ZNF207: variants seen among roughly 807,000 people sequenced by gnomAD.
The protein encoded by ZNF207 is BUB3-interacting and GLEBS motif-containing protein ZNF207.
In ZNF207, 24 loss-of-function variants were observed where a neutral mutation model predicts 60.2. The observed-to-expected ratio is 0.40, with a 90% confidence interval of 0.29 to 0.56. The LOEUF is 0.56. Ranked by LOEUF, ZNF207 falls within the 20% of genes least tolerant of loss-of-function variation. ZNF207 has a pLI of 0.49. For synonymous variants in ZNF207, 236 were observed against 194.7 expected, an observed-to-expected ratio of 1.21 and a Z score of -1.77; for missense variants, 452 against 636.6, an observed-to-expected ratio of 0.71 and a Z score of 3.12.
rs564901584 is a variant in ZNF207, at chr17:32,376,097, C to A, written c.*6338C>A. ...TATGGTCATGTACATAATGGATATTCATTAATTTTGTGATTAGTGCTGAGT... is the reference window on the plus strand; with the variant it reads ...TATGGTCATGTACATAATGGATATTAATTAATTTTGTGATTAGTGCTGAGT... On this transcript the variant is annotated 3_prime_UTR_variant, in exon 12 of 12. Transcript: ENST00000394670. 1 of 152,050 alleles carries A rather than the reference C, an allele frequency of 6.6e-6. No individual in the cohort carries two copies. The highest frequency in any genetic ancestry group is 1.9e-4 in the East Asian group (1 of 5,184). 9.4% of individuals were successfully genotyped at this position (152,050 alleles called of 1,614,324 possible).
chr17:32,370,625 T>C lies in ZNF207; in HGVS notation c.*866T>C, dbSNP rs1310531133. On this transcript the variant is annotated 3_prime_UTR_variant, in exon 12 of 12. Transcript: ENST00000394670. ...TTTATAATCACCCTTCCACCCTCTA[T>C]GGTGTCAGTACACATCACGTGTCAT... The C allele has an allele frequency of 6.6e-6, 1 of 152,238 alleles. No homozygotes were observed. The highest frequency in any genetic ancestry group is 6.5e-5 in the Admixed American group (1 of 15,280). The allele number at this position is 152,238 out of a possible 1,614,324, so 9.4% of individuals were successfully genotyped here.
chr17:32,370,295 G>A lies in ZNF207; in HGVS notation c.*536G>A, dbSNP rs187860515. 6.5e-6 allele frequency: 1 copy of A among 152,774 alleles called. No homozygotes were observed. The highest frequency in any genetic ancestry group is 1.9e-4 in the East Asian group (1 of 5,186). 9.5% of individuals were successfully genotyped at this position (152,774 alleles called of 1,614,324 possible). ...GAAATCTGACCCACCAAGGTCATGT[G>A]ACTTTTCTGTACTGTTAAACTTCAT... On this transcript the variant is annotated 3_prime_UTR_variant, in exon 12 of 12. Coordinates refer to ENST00000394670, the MANE Select transcript of ZNF207 (RefSeq NM_001098507.2).
At chr17:32,351,958 A>G (rs745401597) in intron 2 of ZNF207, 46 bp downstream of exon 2, 1 of 1,472,536 alleles carries the variant, frequency 6.8e-7, no homozygotes, top group Admixed American at 2.4e-5. Flanking sequence ...TGATTTGGAA[A>G]CAACTTGAAA....
intron 2 of ZNF207, among the ~76,000 whole-genome samples, chr17:32,353,674 GGC>G (rs1466353865): frequency 6.7e-6 from 1 of 149,012 alleles, no homozygotes; most frequent in Non-Finnish European, 1.5e-5. Flanking sequence ...TGGCTACGGG[GGC>G]GGGGGGAGGG....
At position 32,375,805 on chromosome 17, in the gene ZNF207, A is replaced by G. The variant is rs1327361611; in HGVS notation, c.*6046A>G. On this transcript the variant is annotated 3_prime_UTR_variant, in exon 12 of 12. Transcript: ENST00000394670. The stretch of plus-strand genomic sequence containing the variant: ...CCAAATTGAAATTTGTTTGCTCTTC[A>G]TTGTAACTTTTATGTAAAAGTCCTT... 6.6e-6 allele frequency: 1 copy of G among 152,062 alleles called. No homozygotes were observed. Among genetic ancestry groups the G allele is most frequent in the Non-Finnish European group, 1.5e-5 (1 of 67,924 alleles). 9.4% of individuals were successfully genotyped at this position (152,062 alleles called of 1,614,324 possible).
At chr17:32,369,253 C>G in intron 10 of ZNF207, 42 bp from the exon 11 acceptor site, 2 of 1,595,988 alleles carry the variant, frequency 1.3e-6, no homozygotes, top group Non-Finnish European at 1.7e-6. Context: ...TGGTGAGCCT[C>G]TGCATTCGAG....
At position 32,374,243 on chromosome 17, in the gene ZNF207, T is replaced by C. The variant is rs1452630829; in HGVS notation, c.*4484T>C. On this transcript the variant is annotated 3_prime_UTR_variant, in exon 12 of 12. Transcript: ENST00000394670. Reference sequence around the variant, plus strand: ...TTTTTTTTTTTTTTTTTTTTGAGACTGTCTCGCTGTGTCACCCAGGCCAGA... The same window carrying C: ...TTTTTTTTTTTTTTTTTTTTGAGACCGTCTCGCTGTGTCACCCAGGCCAGA... The C allele has an allele frequency of 1.0e-5, 1 of 99,034 alleles. No homozygotes were observed. Among genetic ancestry groups the C allele is most frequent in the Non-Finnish European group, 1.9e-5 (1 of 51,590 alleles). 6.1% of individuals were successfully genotyped at this position (99,034 alleles called of 1,614,324 possible).
At chr17:32,356,846 GA>G (rs953452362) in intron 2 of ZNF207, among the ~76,000 whole-genome samples, 7 of 152,024 alleles carry the variant, frequency 4.6e-5, no homozygotes, top group South Asian at 2.1e-4. Context: ...ACAATATAAT[GA>G]AAAAAAATCC....
chr17:32,379,448 A>T lies in ZNF207; in HGVS notation c.*9689A>T, dbSNP rs966126229. 3 of 152,150 alleles carry T rather than the reference A, an allele frequency of 2.0e-5. No individual in the cohort carries two copies. Among genetic ancestry groups the T allele is most frequent in the African/African-American group, 7.2e-5 (3 of 41,458 alleles). The allele number at this position is 152,150 out of a possible 1,614,324, so 9.4% of individuals were successfully genotyped here. Reference sequence around the variant, plus strand: ...TACAAAAACTTTGAACACATAAATTATTTCATTTTGGTGAGATGGAATAAA... The same window carrying T: ...TACAAAAACTTTGAACACATAAATTTTTTCATTTTGGTGAGATGGAATAAA... On this transcript the variant is annotated 3_prime_UTR_variant, in exon 12 of 12. Transcript: ENST00000394670.
chr17:32,366,293 A>T (rs1905158653), intron 8 of ZNF207, among the ~76,000 whole-genome samples: 1 of 148,534 alleles, frequency 6.7e-6, no homozygotes, highest in Admixed American at 6.6e-5. Context: ...AATTTTATGT[A>T]TTGAGAGATG....
chr17:32,367,408 C>G (rs189518912), intron 9 of ZNF207, among the ~76,000 whole-genome samples: 2 of 150,084 alleles, frequency 1.3e-5, no homozygotes, highest in African/African-American at 4.9e-5. Flanking sequence ...AGATTAATAA[C>G]TAATTAATAG....
intron 5 of ZNF207, 56 bp from the exon 6 acceptor site, chr17:32,361,412 C>T: frequency 6.8e-7 from 1 of 1,475,598 alleles, no homozygotes; most frequent in Non-Finnish European, 9.4e-7. Context: ...AATACACTTT[C>T]CCACTGTATT....
rs984529550 is a variant in ZNF207 at position 32,369,938 on chromosome 17, G to A, written c.*179G>A. On this transcript the variant is annotated 3_prime_UTR_variant, in exon 12 of 12. Transcript: ENST00000394670. ...GGGAAAAATTATTTGGAATAATAAA[G>A]CAGGAACTTTTCCTGAAGTTGCAAT... is the stretch of plus-strand genomic sequence containing the variant. 2.4e-5 allele frequency: 17 copies of A among 712,434 alleles called. No homozygotes were observed. The African/African-American group carries it at 2.8e-4, about 12-fold the overall frequency. The allele number at this position is 712,434 out of a possible 1,614,324, so 44.1% of individuals were successfully genotyped here. A position where few individuals can be genotyped will look rare whatever the true frequency, so the allele number is the denominator to read the frequency against.
chr17:32,378,520 T>TATC lies in ZNF207; in HGVS notation c.*8763_*8764insCAT, dbSNP rs1488306828. On this transcript the variant is annotated 3_prime_UTR_variant, in exon 12 of 12. Coordinates refer to ENST00000394670, the MANE Select transcript of ZNF207 (RefSeq NM_001098507.2). The stretch of plus-strand genomic sequence containing the variant: ...CTATTTTTGTTCTTTTTTTGTAAAC[T>TATC]ATAACGTATCCCGTTGGTGTACCAG... 10 of 152,176 alleles carry TATC rather than the reference T, an allele frequency of 6.6e-5. No homozygotes were observed. Among genetic ancestry groups the TATC allele is most frequent in the Middle Eastern group, 6.8e-3 (2 of 294 alleles). 9.4% of individuals were successfully genotyped at this position (152,176 alleles called of 1,614,324 possible).
At position 32,380,960 on chromosome 17, in the gene ZNF207, A is replaced by G. The variant is rs919359730; in HGVS notation, c.*11201A>G. 2 of 151,930 alleles carry G rather than the reference A, an allele frequency of 1.3e-5. No homozygotes were observed. The highest frequency in any genetic ancestry group is 6.6e-5 in the Admixed American group (1 of 15,204). The allele number at this position is 151,930 out of a possible 1,614,324, so 9.4% of individuals were successfully genotyped here. A position where few individuals can be genotyped will look rare whatever the true frequency, so the allele number is the denominator to read the frequency against. On this transcript the variant is annotated 3_prime_UTR_variant, in exon 12 of 12. Transcript: ENST00000394670. ...TGACAGAGCGAGACTCCGTCTCAAA[A>G]AAAAAAAGAAAAAAAGAAAAAGTGA...
chr17:32,351,858 T>C lies in ZNF207; in HGVS notation c.114T>C (p.His38=). 1 of 1,607,716 alleles carries C rather than the reference T, an allele frequency of 6.2e-7. No homozygotes were observed. Among genetic ancestry groups the C allele is most frequent in the Non-Finnish European group, 8.5e-7 (1 of 1,176,692 alleles). Residue 38 remains histidine, a synonymous_variant, in exon 2 of 12, where the codon CAT becomes CAC. Transcript: ENST00000394670. The part of the protein sequence containing the change: ...QHQKAKHFKC[H]ICHKKLYTGP... ...AAAAAGCAAAGCATTTTAAATGCCA[T>C]ATATGTCACAAGAAATTGTATACAG... is the stretch of plus-strand genomic sequence containing the variant.
In ZNF207 at chr17:32,350,312, G is replaced by A. The variant is rs2041477689; in HGVS notation, c.27G>A (p.Leu9=). Residue 9 remains leucine (L), a synonymous_variant, in exon 1 of 12, where the codon CTG becomes CTA. Transcript: ENST00000394670. ...TGGGTCGCAAGAAGAAGAAGCAGCT[G>A]AAGCCGTGGTGCTGGTATCCTTTGT... MGRKKKKQ[L]KPWCWYCNRD... 1 of 1,614,164 alleles carries A rather than the reference G, an allele frequency of 6.2e-7. No homozygotes were observed. The highest frequency in any genetic ancestry group is 8.5e-7 in the Non-Finnish European group (1 of 1,180,030).
Position 32,351,771 on chromosome 17 carries a change from A to T in ZNF207, c.42-15A>T. On this transcript the variant is annotated splice_polypyrimidine_tract_variant and intron_variant, in intron 1 of 11. Coordinates refer to ENST00000394670, the MANE Select transcript of ZNF207 (RefSeq NM_001098507.2). ...CATCATTAGGCTGTCTTTGTGCCTT[A>T]ACAGTATTGATCAGGTATTGTAATA... 1 of 1,609,418 alleles carries T rather than the reference A, an allele frequency of 6.2e-7. No homozygotes were observed. The highest frequency in any genetic ancestry group is 8.5e-7 in the Non-Finnish European group (1 of 1,177,298).
At chr17:32,357,304 C>T (rs1904560469) in intron 2 of ZNF207, among the ~76,000 whole-genome samples, 1 of 143,436 alleles carries the variant, frequency 7.0e-6, no homozygotes, top group South Asian at 2.2e-4. Flanking sequence ...AGAAAATTTG[C>T]TATTCTAATT....
Sources: allele counts gnomAD v4.1 joint callset (sites outside exome capture counted in the v4.1 genomes callset), GRCh38; gene constraint gnomAD v4.1.1; transcripts MANE v1.5; gene names NCBI Gene and HGNC (gene_info 2026-07-23, HGNC 2026-07-21).